Variants in SCAI observed in about 807,000 individuals in gnomAD.
The protein encoded by SCAI is suppressor of cancer cell invasion.
A neutral mutation model predicts 92.2 loss-of-function variants in SCAI; 24 were observed. The ratio of observed to expected loss-of-function variants is 0.26; its 90% CI spans 0.19 to 0.37. SCAI has a LOEUF of 0.37. Among genes scored for constraint, SCAI ranks in the 10% least tolerant of loss-of-function variants. SCAI has a pLI of 1.00. For missense variants in SCAI, 450 were observed against 736.2 expected (o/e 0.61, Z 4.50); for synonymous variants, 261 against 258.6 (o/e 1.01, Z -0.09).
intron 2 of SCAI, among the ~76,000 whole-genome samples, chr9:125,113,711 C>A (rs765846015): frequency 8.9e-5 from 13 of 146,420 alleles, no homozygotes; most frequent in Non-Finnish European, 1.8e-4. Flanking sequence ...ACCTGTAATC[C>A]CAGCACTTTG....
intron 2 of SCAI, among the ~76,000 whole-genome samples, chr9:125,115,939 A>C (rs1835037064): frequency 6.6e-6 from 1 of 152,226 alleles, no homozygotes; most frequent in Non-Finnish European, 1.5e-5. Flanking sequence ...TCACGCCTGT[A>C]ATCCCAGCAT....
intron 9 of SCAI, among the ~76,000 whole-genome samples, chr9:125,013,539 T>A (rs1588151899): frequency 6.6e-6 from 1 of 152,148 alleles, no homozygotes; most frequent in African/African-American, 2.4e-5. Context: ...CAATAATCAA[T>A]AGCTTACCAA....
intron 2 of SCAI, among the ~76,000 whole-genome samples, chr9:125,116,202 A>G (rs11793571): frequency 0.13 from 20,282 of 152,214 alleles, 1,450 homozygotes; most frequent in East Asian, 0.23. Context: ...ATTAATTTAA[A>G]AAAAAAGTAT....
intron 14 of SCAI, among the ~76,000 whole-genome samples, chr9:124,978,302 G>A (rs944374865): frequency 3.9e-5 from 6 of 152,152 alleles, no homozygotes; most frequent in Admixed American, 1.3e-4. Context: ...TTAGCTGGGC[G>A]TGGTAGCGCA....
chr9:124,987,501 A>G (rs1475740952), intron 14 of SCAI, among the ~76,000 whole-genome samples: 1 of 152,144 alleles, frequency 6.6e-6, no homozygotes, highest in Non-Finnish European at 1.5e-5. Context: ...GGCTCAGACA[A>G]GCCTGAAAAG....
intron 2 of SCAI, among the ~76,000 whole-genome samples, chr9:125,058,491 G>T: frequency 6.6e-6 from 1 of 152,104 alleles, no homozygotes; most frequent in Admixed American, 6.6e-5. Context: ...CTTCAGCCTG[G>T]GCGACAGAAC....
chr9:125,024,395 C>T (rs1588159493), intron 6 of SCAI, among the ~76,000 whole-genome samples: 1 of 151,896 alleles, frequency 6.6e-6, no homozygotes, highest in East Asian at 2.0e-4. Context: ...CATGCCTCAG[C>T]CTCCTGAGTA....
Position 125,114,471 on chromosome 9 carries a change from CT to C in SCAI, c.98+28161del, listed in dbSNP as rs1182413677. Among the ~76,000 whole-genome samples the C allele has an allele frequency of 2.6e-5, 4 of 152,112 alleles. No individual in the cohort carries two copies. The East Asian group carries it at 7.7e-4, about 29-fold the overall frequency. ...TACCAAGTGCTGGCAAGGAAAGAAA[CT>C]GGAATTCTCACTGAAGTACCTGATG... On this transcript the variant is annotated intron_variant, in intron 2 of 17. Transcript: ENST00000336505.
At chr9:125,059,841 G>A (rs939968402) in intron 2 of SCAI, among the ~76,000 whole-genome samples, 7 of 152,000 alleles carry the variant, frequency 4.6e-5, no homozygotes, top group South Asian at 2.1e-4. Flanking sequence ...CCTATTCTCC[G>A]ACCACAAGGA....
In SCAI at chr9:125,018,858, T is replaced by A; in HGVS notation, c.802A>T (p.Met268Leu). 6.2e-7 allele frequency: 1 copy of A among 1,614,070 alleles called. No homozygotes were observed. The highest frequency in any genetic ancestry group is 8.5e-7 in the Non-Finnish European group (1 of 1,179,974). Residue 268 changes from methionine (M) to leucine (L), a missense_variant, in exon 9 of 18, where the codon ATG becomes TTG. Physicochemically the swap from Met to Leu is conservative, Grantham distance 15. This residue lies in a region of SCAI where 360 missense variants were observed against 601.8 expected (regional missense o/e 0.60). Coordinates refer to ENST00000336505, the MANE Select transcript of SCAI (RefSeq NM_001144877.3). ...GCCAGAGACAACTGTCCCACAATCA[T>A]GCCCTGTTCCAGCAATGGGGCTCCT... ...ETGAPLLEQG[M>L]IVGQLSLADA... is the part of the protein sequence containing the mutation.
chr9:124,990,038 G>A (rs1278699797), intron 14 of SCAI, among the ~76,000 whole-genome samples: 1 of 151,596 alleles, frequency 6.6e-6, no homozygotes, highest in Non-Finnish European at 1.5e-5. Context: ...GCCAGGTGTG[G>A]TGGCGTGCAC....
intron 9 of SCAI, among the ~76,000 whole-genome samples, chr9:125,004,616 A>G (rs1832435452): frequency 6.6e-6 from 1 of 150,652 alleles, no homozygotes; most frequent in African/African-American, 2.4e-5. Context: ...GGCATAAGCC[A>G]CGATTCCTGA....
At chr9:124,966,549 T>A (rs894600453) in intron 17 of SCAI, among the ~76,000 whole-genome samples, 3 of 152,146 alleles carry the variant, frequency 2.0e-5, no homozygotes, top group Non-Finnish European at 4.4e-5. Flanking sequence ...TTTGTATATA[T>A]CTTATAGTAG....
intron 2 of SCAI, among the ~76,000 whole-genome samples, chr9:125,076,759 C>G (rs1014200095): frequency 1.3e-5 from 2 of 151,908 alleles, no homozygotes; most frequent in African/African-American, 4.8e-5. Context: ...AGTGCAGTGG[C>G]GTGATCTCAG....
At chr9:125,043,958 C>T (rs948121683) in intron 3 of SCAI, among the ~76,000 whole-genome samples, 2 of 152,088 alleles carry the variant, frequency 1.3e-5, no homozygotes, top group African/African-American at 4.8e-5. Flanking sequence ...AGCTTTGGAC[C>T]CATGCTTCCC....
Position 124,957,364 on chromosome 9 carries a change from T to C in SCAI, c.1675-4411A>G, listed in dbSNP as rs967786649. 5.9e-5 allele frequency among the ~76,000 whole-genome samples: 9 copies of C among 152,004 alleles called. No individual in the cohort carries two copies. In the East Asian group the frequency reaches 1.7e-3, roughly 29 times the overall value. On this transcript the variant is annotated intron_variant, in intron 17 of 17. Coordinates refer to ENST00000336505, the MANE Select transcript of SCAI (RefSeq NM_001144877.3). ...CAACTGAAAAATGAAATAAAAATAATTCAATTTTTTTTTTTTGAGATGGAG... is the reference window on the plus strand; with the variant it reads ...CAACTGAAAAATGAAATAAAAATAACTCAATTTTTTTTTTTTGAGATGGAG...
intron 2 of SCAI, among the ~76,000 whole-genome samples, chr9:125,058,930 C>T (rs1378115748): frequency 6.6e-6 from 1 of 151,950 alleles, no homozygotes; most frequent in Non-Finnish European, 1.5e-5. Context: ...AGCATCAATA[C>T]CAATAGTAAT....
intron 2 of SCAI, among the ~76,000 whole-genome samples, chr9:125,119,939 ATAG>A (rs1346276573): frequency 6.6e-6 from 1 of 152,180 alleles, no homozygotes; most frequent in African/African-American, 2.4e-5. Context: ...GGCTCCTCAC[ATAG>A]TAGCCAGATT....
chr9:125,118,614 G>A (rs984317982), intron 2 of SCAI, among the ~76,000 whole-genome samples: 14 of 152,120 alleles, frequency 9.2e-5, no homozygotes, highest in Admixed American at 9.2e-4. Context: ...ATGTTCCTTG[G>A]TGGTTTGCTG....
Sources: gnomAD v4.1 joint callset for allele counts (sites outside exome capture counted in the v4.1 genomes callset) on GRCh38, gnomAD v4.1.1 for gene constraint, gnomAD v4.1.1 regional missense constraint, MANE v1.5 for transcripts, NCBI Gene and HGNC (gene_info 2026-07-23, HGNC 2026-07-21) for gene names.